The following TMEM114 variants were observed in gnomAD, a reference collection of about 807,000 sequenced individuals.
TMEM114 encodes claudin-26.
In TMEM114, 6 loss-of-function variants were observed where a neutral mutation model predicts 6.2. The ratio of observed to expected loss-of-function variants is 0.97; its 90% confidence interval spans 0.53 to 1.91. The LOEUF is 1.91. Among genes scored for constraint, TMEM114 ranks in the 40% most tolerant of loss-of-function variants. The pLI is 0.01. For synonymous variants in TMEM114, 104 were observed against 73.0 expected, an observed-to-expected ratio of 1.42 and a Z score of -2.16; for missense variants, 218 against 158.3, an observed-to-expected ratio of 1.38 and a Z score of -2.02.
At chr16:8,548,447 T>A (rs1900740975) in intron 2 of TMEM114, among the ~76,000 whole-genome samples, 1 of 152,114 alleles carries the variant, frequency 6.6e-6, no homozygotes. Context: ...CTTTTATTAT[T>A]ATTACCTCCC....
chr16:8,532,557 G>A, the TMEM114 span, among the ~76,000 whole-genome samples: 1,137 of 152,288 alleles, frequency 7.5e-3, 6 homozygotes, highest in Middle Eastern at 0.024. Flanking sequence ...GTCCATTAAA[G>A]AGAACGACGT....
chr16:8,560,780 C>G (rs993546166), intron 2 of TMEM114, among the ~76,000 whole-genome samples: 1 of 152,138 alleles, frequency 6.6e-6, no homozygotes, highest in African/African-American at 2.4e-5. Flanking sequence ...ACGTTCACCT[C>G]CAGGAGAAGG....
At chr16:8,547,608 G>A (rs1233365801) in intron 2 of TMEM114, among the ~76,000 whole-genome samples, 1 of 152,008 alleles carries the variant, frequency 6.6e-6, no homozygotes, top group African/African-American at 2.4e-5. Flanking sequence ...GGCCAGACTG[G>A]TCTTGAACTC....
At chr16:8,528,315 A>G in the TMEM114 span, among the ~76,000 whole-genome samples, 1 of 152,182 alleles carries the variant, frequency 6.6e-6, no homozygotes, top group African/African-American at 2.4e-5. Flanking sequence ...TAAAGGAGGA[A>G]GATGCATCTC....
chr16:8,535,691 T>C (rs1360991361), downstream of TMEM114, among the ~76,000 whole-genome samples: 2 of 152,184 alleles, frequency 1.3e-5, no homozygotes, highest in Admixed American at 1.3e-4. Context: ...TCCTTCGTCG[T>C]GGGAACGTCA....
At chr16:8,548,992 C>G (rs916764134) in intron 2 of TMEM114, among the ~76,000 whole-genome samples, 2 of 151,694 alleles carry the variant, frequency 1.3e-5, no homozygotes, top group South Asian at 4.1e-4. Flanking sequence ...ACCATCCTGG[C>G]TAACACAGTG....
intron 2 of TMEM114, among the ~76,000 whole-genome samples, chr16:8,561,953 TGAGG>T (rs1901232763): frequency 6.6e-6 from 1 of 151,226 alleles, no homozygotes; most frequent in South Asian, 2.1e-4. Context: ...AATGAGTGAA[TGAGG>T]GAGGGAGGGA....
the TMEM114 span, among the ~76,000 whole-genome samples, chr16:8,528,543 A>T: frequency 1.3e-5 from 2 of 152,180 alleles, no homozygotes; most frequent in Non-Finnish European, 2.9e-5. Flanking sequence ...GCATGCTTTC[A>T]CCAAGAGGAG....
At chr16:8,577,131 G>C (rs1048200959) in intron 2 of TMEM114, among the ~76,000 whole-genome samples, 19 of 152,216 alleles carry the variant, frequency 1.2e-4, no homozygotes, top group African/African-American at 4.3e-4. Context: ...TTGAAAAATG[G>C]AACTGGACCA....
At chr16:8,562,169 T>C (rs1482273554) in intron 2 of TMEM114, among the ~76,000 whole-genome samples, 5 of 151,246 alleles carry the variant, frequency 3.3e-5, no homozygotes, top group African/African-American at 1.2e-4. Flanking sequence ...AGTTAGTGAA[T>C]GAGTGAATGA....
intron 2 of TMEM114, among the ~76,000 whole-genome samples, chr16:8,553,901 C>A (rs1365952240): frequency 4.0e-5 from 6 of 149,980 alleles, no homozygotes; most frequent in Non-Finnish European, 7.4e-5. Context: ...TCTTTTGAGA[C>A]AGGGTCTCTC....
At chr16:8,539,528 T>G (rs1042399013) in intron 2 of TMEM114, among the ~76,000 whole-genome samples, 1 of 152,094 alleles carries the variant, frequency 6.6e-6, no homozygotes, top group African/African-American at 2.4e-5. Flanking sequence ...CACCCTCTCC[T>G]TCCATCCTCC....
At chr16:8,538,079 T>C (rs1596464107) in intron 2 of TMEM114, among the ~76,000 whole-genome samples, 1 of 140,878 alleles carries the variant, frequency 7.1e-6, no homozygotes, top group East Asian at 2.1e-4. Context: ...CAGGTAGATT[T>C]CTTGAGCCCA....
chr16:8,548,697 T>C (rs1567196644), intron 2 of TMEM114, among the ~76,000 whole-genome samples: 1 of 150,994 alleles, frequency 6.6e-6, no homozygotes, highest in Admixed American at 6.6e-5. Flanking sequence ...TTGCCATGTA[T>C]ATATATACAC....
rs1305110712 is a variant in TMEM114, at chr16:8,590,380, C to G, written c.-542G>C. 1.3e-5 allele frequency among the ~76,000 whole-genome samples: 2 copies of G among 152,174 alleles called. No individual in the cohort carries two copies. Among genetic ancestry groups the G allele is most frequent in the African/African-American group, 2.4e-5 (1 of 41,438 alleles). On this transcript the variant is annotated 5_prime_UTR_variant, in exon 1 of 4. Coordinates refer to ENST00000620492, the MANE Select transcript of TMEM114 (RefSeq NM_001146336.2). ...CTGTCTCTGGATTTCCGCCCCAGCC[C>G]TTTTTCTTGGCCCCACACTGCCAGA...
chr16:8,551,860 T>C (rs919287619), intron 2 of TMEM114, among the ~76,000 whole-genome samples: 1 of 152,196 alleles, frequency 6.6e-6, no homozygotes, highest in African/African-American at 2.4e-5. Flanking sequence ...CACTAGGTTA[T>C]TGGATACACA....
chr16:8,551,384 G>C (rs1199160178), intron 2 of TMEM114, among the ~76,000 whole-genome samples: 2 of 152,062 alleles, frequency 1.3e-5, no homozygotes, highest in Non-Finnish European at 2.9e-5. Flanking sequence ...CTGAGCAAGT[G>C]GCTTAGCCTA....
downstream of TMEM114, among the ~76,000 whole-genome samples, chr16:8,533,904 A>C (rs998895369): frequency 2.0e-5 from 3 of 152,150 alleles, no homozygotes; most frequent in Non-Finnish European, 4.4e-5. Flanking sequence ...AGAAGGATGC[A>C]ATCAGGCATT....
At chr16:8,567,287 T>C (rs1004490768), downstream of TMEM114, among the ~76,000 whole-genome samples, 8 of 152,174 alleles carry the variant, frequency 5.3e-5, no homozygotes, top group Admixed American at 3.3e-4. Context: ...CATGGGTTTA[T>C]CATCTGTTCC....
Sources: gnomAD v4.1 joint callset for allele counts (sites outside exome capture counted in the v4.1 genomes callset) on GRCh38, gnomAD v4.1.1 for gene constraint, MANE v1.5 for transcripts, NCBI Gene and HGNC (gene_info 2026-07-23, HGNC 2026-07-21) for gene names.